DOCK7: variants seen among roughly 807,000 people sequenced by gnomAD.
The protein encoded by DOCK7 is dedicator of cytokinesis protein 7.
A neutral mutation model predicts 271.0 loss-of-function variants in DOCK7; 138 were observed. That is an observed-to-expected ratio of 0.51 (90% CI 0.44 to 0.59). DOCK7 has a LOEUF of 0.59. Ranked by LOEUF, DOCK7 falls within the 20% of genes least tolerant of loss-of-function variation. The pLI, the probability that DOCK7 is intolerant of heterozygous loss-of-function variation, is 0.00. For missense variants in DOCK7, 2,066 were observed against 2,592.4 expected (o/e 0.80, Z 4.41); for synonymous variants, 823 against 876.1 (o/e 0.94, Z 1.07).
At chr1:62,593,527 G>A (rs1313151218) in intron 14 of DOCK7, among the ~76,000 whole-genome samples, 5 of 152,056 alleles carry the variant, frequency 3.3e-5, no homozygotes, top group African/African-American at 9.7e-5. Context: ...CTGAGATCAC[G>A]ACGCTGCACT....
At chr1:62,639,153 G>T (rs1655660440) in intron 7 of DOCK7, among the ~76,000 whole-genome samples, 1 of 151,758 alleles carries the variant, frequency 6.6e-6, no homozygotes, top group African/African-American at 2.4e-5. Flanking sequence ...ATCTGGTTGG[G>T]TTTTTTTAAA....
intron 19 of DOCK7, 141 bp from the exon 20 acceptor site, chr1:62,559,361 T>C (rs1646247987): frequency 1.8e-6 from 1 of 559,158 alleles, no homozygotes; most frequent in Non-Finnish European, 3.1e-6. Flanking sequence ...TTGTTTCCAA[T>C]TAAACAAATC....
Position 62,584,843 on chromosome 1 carries a change from TCTAA to T in DOCK7, c.1801-1593_1801-1590del, listed in dbSNP as rs1571649028. 8 of 721,254 alleles carry T rather than the reference TCTAA, an allele frequency of 1.1e-5. No individual in the cohort carries two copies. The highest frequency in any genetic ancestry group is 2.3e-4 in the Middle Eastern group (1 of 4,390). The allele number at this position is 721,254 out of a possible 1,614,324, so 44.7% of individuals were successfully genotyped here. Reference sequence around the variant, plus strand: ...TATGGTAGCACCAAAGAGGGAGAGGTCTAACTGTCGGTATAGGATGGGTGCAGCT... The same window carrying T: ...TATGGTAGCACCAAAGAGGGAGAGGTCTGTCGGTATAGGATGGGTGCAGCT... On this transcript the variant is annotated intron_variant, in intron 15 of 49. Coordinates refer to ENST00000635253, the MANE Select transcript of DOCK7 (RefSeq NM_001367561.1).
At chr1:62,584,312 T>TC in intron 15 of DOCK7, 1 of 982,476 alleles carries the variant, frequency 1.0e-6, no homozygotes, top group Non-Finnish European at 1.2e-6. Context: ...TATGTTTTCA[T>TC]AAATTGTTCC....
chr1:62,456,650 C>T lies in DOCK7; in HGVS notation c.6380+888G>A, dbSNP rs141829893. ...CGGCAAAAACTCGGATGTTGTAAGGCAAAATTTTGGTCAGGAAGAATACAG... is the reference window on the plus strand; with the variant it reads ...CGGCAAAAACTCGGATGTTGTAAGGTAAAATTTTGGTCAGGAAGAATACAG... On this transcript the variant is annotated intron_variant, in intron 49 of 49. Coordinates refer to ENST00000635253, the MANE Select transcript of DOCK7 (RefSeq NM_001367561.1). 4.9e-3 allele frequency among the ~76,000 whole-genome samples: 739 copies of T among 152,104 alleles called. 8 individuals are homozygous for T. Among genetic ancestry groups the T allele is most frequent in the African/African-American group, 0.017 (715 of 41,496 alleles).
Position 62,538,018 on chromosome 1 carries a change from A to G in DOCK7, c.3344T>C (p.Val1115Ala), listed in dbSNP as rs1240635272. 6.2e-7 allele frequency: 1 copy of G among 1,613,942 alleles called. No homozygotes were observed. Among genetic ancestry groups the G allele is most frequent in the African/African-American group, 1.3e-5 (1 of 74,944 alleles). Residue 1115 changes from valine to alanine, a missense_variant, in exon 28 of 50, where the codon GTG becomes GCG. Transcript: ENST00000635253. ...LYSLPNPSVL[V>A]SLRLDFLRII... ...TCGTAGAAAATCCAGCCTCAAGGAC[A>G]CCAGAACACTGGGATTCGGTAATGA...
intron 11 of DOCK7, chr1:62,629,748 C>T (rs925635021): frequency 2.0e-5 from 3 of 152,178 alleles, no homozygotes; most frequent in African/African-American, 7.2e-5. Flanking sequence ...AAAACTGTGA[C>T]TTTAAGCAAC....
chr1:62,573,781 T>C (rs1273529235), intron 18 of DOCK7, among the ~76,000 whole-genome samples: 3 of 152,192 alleles, frequency 2.0e-5, no homozygotes, highest in South Asian at 2.1e-4. Context: ...TTTTTATTTA[T>C]TTATTTATTT....
chr1:62,592,670 C>T (rs1312220984), intron 14 of DOCK7, among the ~76,000 whole-genome samples: 9 of 151,924 alleles, frequency 5.9e-5, no homozygotes, highest in Admixed American at 2.0e-4. Flanking sequence ...CCAGATGATT[C>T]GCAAAGACGG....
chr1:62,684,486 T>C (rs1393210306), intron 1 of DOCK7, among the ~76,000 whole-genome samples: 1 of 152,230 alleles, frequency 6.6e-6, no homozygotes, highest in Non-Finnish European at 1.5e-5. Flanking sequence ...TATCCCCATT[T>C]TTCTGTGGTA....
intron 43 of DOCK7, chr1:62,486,583 G>C (rs1235987273): frequency 6.6e-6 from 1 of 151,980 alleles, no homozygotes. Context: ...TTTTTTTCGG[G>C]TAAGATTGTA....
At chr1:62,510,225 C>T (rs1164655999) in intron 34 of DOCK7, among the ~76,000 whole-genome samples, 1 of 152,082 alleles carries the variant, frequency 6.6e-6, no homozygotes, top group Non-Finnish European at 1.5e-5. Flanking sequence ...ATATTATAAG[C>T]TCCATAACGA....
intron 43 of DOCK7, chr1:62,482,072 A>G (rs1646143049): frequency 6.6e-6 from 1 of 152,230 alleles, no homozygotes; most frequent in Non-Finnish European, 1.5e-5. Flanking sequence ...TTTATTAACT[A>G]GTGTTAAGAT....
chr1:62,675,896 T>C (rs1422242460), intron 1 of DOCK7, among the ~76,000 whole-genome samples: 1 of 152,054 alleles, frequency 6.6e-6, no homozygotes, highest in East Asian at 1.9e-4. Context: ...CAATAACAAG[T>C]GTTAGCAAGC....
rs141286539 is a variant in DOCK7, at chr1:62,663,111, T to G, written c.58A>C (p.Arg20=). Residue 20 remains arginine (R), a synonymous_variant, in exon 2 of 50, where the codon AGG becomes CGG. Coordinates refer to ENST00000635253, the MANE Select transcript of DOCK7 (RefSeq NM_001367561.1). ...KISRTVAAEV[R]KQISGQYSGS... ...CTATATTGTCCGGAGATCTGCTTCC[T>G]AACTTCGGCTGCCACCGTTCTACAA... 1.7e-5 allele frequency: 28 copies of G among 1,612,622 alleles called. No individual in the cohort carries two copies. The African/African-American group carries it at 3.2e-4, about 18-fold the overall frequency.
Position 62,456,071 on chromosome 1 carries a change from T to C in DOCK7, c.6381-615A>G, listed in dbSNP as rs1645339481. On this transcript the variant is annotated intron_variant, in intron 49 of 49. Transcript: ENST00000635253. ...TTAATGCCTATGTTCTCACATGTGCTTCTATAGTCAATCTTTTCCAATGTC... is the reference window on the plus strand; with the variant it reads ...TTAATGCCTATGTTCTCACATGTGCCTCTATAGTCAATCTTTTCCAATGTC... Among the ~76,000 whole-genome samples the C allele has an allele frequency of 4.6e-5, 7 of 152,322 alleles. No individual in the cohort carries two copies. In the South Asian group the frequency reaches 1.4e-3, roughly 32 times the overall value.
At chr1:62,566,354 G>C (rs1231861326) in intron 18 of DOCK7, among the ~76,000 whole-genome samples, 5 of 152,134 alleles carry the variant, frequency 3.3e-5, no homozygotes, top group African/African-American at 9.7e-5. Flanking sequence ...CAGATATATA[G>C]ACCAAGGAAA....
intron 7 of DOCK7, among the ~76,000 whole-genome samples, chr1:62,637,554 G>C (rs1655431551): frequency 6.6e-6 from 1 of 152,154 alleles, no homozygotes. Context: ...TGACAACAAA[G>C]AACCATCTAG....
rs549160876 is a variant in DOCK7, at chr1:62,662,857, A to G, written c.144+168T>C. ...AGTTGGCTAGGAAACTAGCAATTCT[A>G]TAACACCCCCAACATCCTCTCCCAA... On this transcript the variant is annotated intron_variant, in intron 2 of 49. Transcript: ENST00000635253. 3.9e-5 allele frequency among the ~76,000 whole-genome samples: 6 copies of G among 152,342 alleles called. No homozygotes were observed. In the South Asian group the frequency reaches 8.3e-4, roughly 21 times the overall value.
Sources: gnomAD v4.1 joint callset for allele counts (sites outside exome capture counted in the v4.1 genomes callset) on GRCh38, gnomAD v4.1.1 for gene constraint, MANE v1.5 for transcripts, NCBI Gene and HGNC (gene_info 2026-07-23, HGNC 2026-07-21) for gene names.